Variants in RBBP8 observed in about 807,000 individuals in gnomAD.
RBBP8 encodes the protein RB binding protein 8, endonuclease, also known as DNA endonuclease RBBP8.
A neutral mutation model predicts 108.3 loss-of-function variants in RBBP8; 88 were observed. The ratio of observed to expected loss-of-function variants is 0.81; its 90% CI spans 0.68 to 0.97. RBBP8 has a LOEUF of 0.97. Among genes scored for constraint, RBBP8 ranks in the 50% least tolerant of loss-of-function variants. The pLI is 0.00. For synonymous variants in RBBP8, 332 were observed against 348.2 expected (o/e 0.95, Z 0.52); for missense variants, 1,023 against 1,049.0 (o/e 0.98, Z 0.34).
intron 16 of RBBP8, among the ~76,000 whole-genome samples, chr18:23,011,441 T>TTA (rs2046158609): frequency 6.7e-6 from 1 of 149,844 alleles, no homozygotes; most frequent in Non-Finnish European, 1.5e-5. Flanking sequence ...TTGATGCTAT[T>TTA]TTTTTTTTTT....
intron 4 of RBBP8, among the ~76,000 whole-genome samples, chr18:22,951,893 C>A (rs183669006): frequency 5.4e-4 from 82 of 152,256 alleles, no homozygotes; most frequent in Non-Finnish European, 9.7e-4. Flanking sequence ...CTAGAAGGAT[C>A]CTAAACACAG....
chr18:22,946,512 G>C (rs781071615), intron 3 of RBBP8, 26 bp downstream of exon 3: 4 of 1,611,032 alleles, frequency 2.5e-6, no homozygotes, highest in Non-Finnish European at 3.4e-6. Context: ...TAATACTCAT[G>C]TGTTATTTAT....
intron 12 of RBBP8, 141 bp from the exon 13 acceptor site, chr18:22,996,233 C>T: frequency 7.4e-7 from 1 of 1,358,736 alleles, no homozygotes; most frequent in Non-Finnish European, 9.7e-7. Flanking sequence ...TGTGAGAGTT[C>T]TTTATATATC....
intron 15 of RBBP8, 62 bp from the exon 16 acceptor site, chr18:23,006,301 C>A: frequency 7.0e-7 from 1 of 1,420,904 alleles, no homozygotes; most frequent in Non-Finnish European, 9.9e-7. Flanking sequence ...TTCTTCCAAG[C>A]TAGTTAATTA....
chr18:22,944,877 G>A (rs1911418651), intron 2 of RBBP8, among the ~76,000 whole-genome samples: 2 of 152,132 alleles, frequency 1.3e-5, no homozygotes, highest in Non-Finnish European at 2.9e-5. Flanking sequence ...TGTGACCATG[G>A]TTGGGAAATG....
rs115648642 is a variant in RBBP8, at chr18:22,950,803, C to G, written c.248+1090C>G. On this transcript the variant is annotated intron_variant, in intron 4 of 18. Coordinates refer to ENST00000327155, the MANE Select transcript of RBBP8 (RefSeq NM_002894.3). ...GCATGTGACTGGAGTCCTAGCTACT[C>G]AGGACACTGAGACGGGAGGATTGCT... Among the ~76,000 whole-genome samples the G allele has an allele frequency of 6.9e-3, 1,055 of 152,190 alleles. 13 individuals carry two copies. Among genetic ancestry groups the G allele is most frequent in the African/African-American group, 0.024 (993 of 41,524 alleles).
Position 22,993,704 on chromosome 18 carries a change from A to T in RBBP8, c.1813-17A>T, listed in dbSNP as rs2045791252. 1 of 1,614,220 alleles carries T rather than the reference A, an allele frequency of 6.2e-7. No homozygotes were observed. The highest frequency in any genetic ancestry group is 1.1e-5 in the South Asian group (1 of 91,086). ...GCTTGTGATTTCATTTAGAGCTAAC[A>T]ATTATTTCTGTTTTAGAGTGCTGGT... On this transcript the variant is annotated splice_polypyrimidine_tract_variant and intron_variant, in intron 11 of 18. Coordinates refer to ENST00000327155, the MANE Select transcript of RBBP8 (RefSeq NM_002894.3).
At chr18:22,947,660 C>T (rs540046824) in intron 3 of RBBP8, among the ~76,000 whole-genome samples, 16 of 152,184 alleles carry the variant, frequency 1.1e-4, no homozygotes, top group African/African-American at 3.8e-4. Flanking sequence ...AGTAATAACT[C>T]TTCCTTTGGA....
chr18:22,939,670 G>A (rs935093897), intron 2 of RBBP8, among the ~76,000 whole-genome samples: 1 of 152,170 alleles, frequency 6.6e-6, no homozygotes, highest in African/African-American at 2.4e-5. Context: ...ACAAAGAAAT[G>A]TTCAAGAAAT....
chr18:22,993,553 CA>C lies in RBBP8; in HGVS notation c.1729del (p.Ile577Ter), dbSNP rs768824745. ...KCSPDNKPSLQIKEENAVFKI... is the reference protein window; with the variant it reads ...KCSPDNKPSLXIKEENAVFKI... ...CTCTCCAGACAATAAACCATCATTA[CA>C]AATAAAAGAAGAAAATGCTGTCTTT... On this transcript the variant is annotated frameshift_variant, in exon 11 of 19. Transcript: ENST00000327155. LOFTEE classifies it high-confidence loss of function. 23 of 1,613,268 alleles carry C rather than the reference CA, an allele frequency of 1.4e-5. No individual in the cohort carries two copies. Among genetic ancestry groups the C allele is most frequent in the Non-Finnish European group, 1.7e-5 (20 of 1,179,880 alleles).
intron 4 of RBBP8, among the ~76,000 whole-genome samples, chr18:22,961,773 A>G (rs1231725300): frequency 1.3e-5 from 2 of 152,222 alleles, no homozygotes; most frequent in African/African-American, 4.8e-5. Context: ...CTAAAGCTTT[A>G]AGGATCAATC....
At chr18:22,916,032 T>C (rs1909341644) in intron 2 of RBBP8, among the ~76,000 whole-genome samples, 1 of 152,196 alleles carries the variant, frequency 6.6e-6, no homozygotes, top group East Asian at 1.9e-4. Flanking sequence ...TATTGATACA[T>C]TGCGATATTT....
At chr18:22,958,934 A>G (rs1458339784) in intron 4 of RBBP8, among the ~76,000 whole-genome samples, 1 of 152,220 alleles carries the variant, frequency 6.6e-6, no homozygotes, top group East Asian at 1.9e-4. Context: ...GAAAGCTGTC[A>G]TTCTGGATTT....
Position 23,001,701 on chromosome 18 carries a change from A to G in RBBP8, c.2259A>G (p.Glu753=). ...SFSQAADEEE[E]LSTATKKLHT... is the part of the protein sequence containing the mutation. ...CCCAAGCAGCAGATGAAGAGGAGGA[A>G]TTGTCTACTGCCACAAAGAAACTAC... The change falls in exon 15 of 19, where the codon GAA becomes GAG. Residue 753 remains glutamate, a synonymous_variant. Coordinates refer to ENST00000327155, the MANE Select transcript of RBBP8 (RefSeq NM_002894.3). 1 of 1,614,130 alleles carries G rather than the reference A, an allele frequency of 6.2e-7. No homozygotes were observed. The highest frequency in any genetic ancestry group is 1.7e-4 in the Middle Eastern group (1 of 6,060).
chr18:22,942,165 A>G (rs771518848), intron 2 of RBBP8, among the ~76,000 whole-genome samples: 2 of 152,096 alleles, frequency 1.3e-5, no homozygotes, highest in African/African-American at 4.8e-5. Flanking sequence ...GTTTTAAGGT[A>G]TATATAGGAA....
chr18:22,924,352 C>CTCATGA (rs1161398320), intron 3 of RBBP8, among the ~76,000 whole-genome samples: 3 of 152,030 alleles, frequency 2.0e-5, no homozygotes, highest in Non-Finnish European at 4.4e-5. Context: ...TGGTCTTGAT[C>CTCATGA]TCTTGACCTC....
At chr18:22,961,862 A>C (rs1257284607) in intron 4 of RBBP8, among the ~76,000 whole-genome samples, 1 of 152,174 alleles carries the variant, frequency 6.6e-6, no homozygotes, top group East Asian at 1.9e-4. Context: ...GTAGACTTAC[A>C]AATCTTTTTC....
intron 2 of RBBP8, 111 bp downstream of exon 2, chr18:22,937,071 C>T (rs762024911): frequency 2.5e-5 from 38 of 1,528,786 alleles, no homozygotes; most frequent in Non-Finnish European, 3.2e-5. Flanking sequence ...TTTTAGGTTC[C>T]GGGGGTACAT....
chr18:22,915,261 A>G (rs904434751), intron 1 of RBBP8, among the ~76,000 whole-genome samples: 1 of 152,062 alleles, frequency 6.6e-6, no homozygotes, highest in Non-Finnish European at 1.5e-5. Context: ...CATCCTTTTC[A>G]TTGTCCCTAG....
Sources: gnomAD v4.1 joint callset for allele counts (sites outside exome capture counted in the v4.1 genomes callset) on GRCh38, gnomAD v4.1.1 for gene constraint, MANE v1.5 for transcripts, NCBI Gene and HGNC (gene_info 2026-07-23, HGNC 2026-07-21) for gene names.